Variants in ABLIM1 observed in about 807,000 individuals in gnomAD.
ABLIM1 encodes actin binding LIM protein 1, also known as actin-binding LIM protein 1.
Under a neutral mutation model 107.0 loss-of-function variants are expected in ABLIM1, and 40 were observed. The ratio of observed to expected loss-of-function variants is 0.37; its 90% CI spans 0.29 to 0.49. The LOEUF is 0.49. Among genes scored for constraint, ABLIM1 ranks in the 20% least tolerant of loss-of-function variants. ABLIM1 has a pLI of 0.97. For synonymous variants in ABLIM1, 357 were observed against 357.3 expected, an observed-to-expected ratio of 1.00 and a Z score of 0.01; for missense variants, 857 against 1,008.5, an observed-to-expected ratio of 0.85 and a Z score of 2.04.
At chr10:114,615,950 G>A (rs1320734878) in intron 1 of ABLIM1, among the ~76,000 whole-genome samples, 1 of 152,158 alleles carries the variant, frequency 6.6e-6, no homozygotes, top group Non-Finnish European at 1.5e-5. Flanking sequence ...GAGTTTGGGT[G>A]GCCCCAGAGC....
chr10:114,454,087 G>A (rs1437858163), intron 12 of ABLIM1, among the ~76,000 whole-genome samples: 1 of 152,106 alleles, frequency 6.6e-6, no homozygotes, highest in Non-Finnish European at 1.5e-5. Context: ...TGTCAGCCAG[G>A]TATTTCACGA....
upstream of ABLIM1, among the ~76,000 whole-genome samples, chr10:114,662,961 C>G (rs1333366203): frequency 1.3e-5 from 2 of 152,206 alleles, no homozygotes; most frequent in Admixed American, 1.3e-4. Flanking sequence ...CAGGCACCCC[C>G]TGAGCTCAAA....
chr10:114,437,226 T>C (rs1285464604), intron 22 of ABLIM1, among the ~76,000 whole-genome samples: 1 of 152,084 alleles, frequency 6.6e-6, no homozygotes. Flanking sequence ...CATTCTGAAT[T>C]ACCAGCCATA....
chr10:114,583,772 G>A (rs1319713059), intron 2 of ABLIM1, among the ~76,000 whole-genome samples: 1 of 151,930 alleles, frequency 6.6e-6, no homozygotes, highest in Non-Finnish European at 1.5e-5. Flanking sequence ...TATACACGGT[G>A]AATACTATGC....
intron 12 of ABLIM1, among the ~76,000 whole-genome samples, chr10:114,465,237 G>T (rs751069573): frequency 2.6e-5 from 4 of 152,148 alleles, no homozygotes; most frequent in Non-Finnish European, 4.4e-5. Context: ...ACAGCCCTGA[G>T]TCCTCTTTCT....
intron 6 of ABLIM1, among the ~76,000 whole-genome samples, chr10:114,507,616 G>A (rs756319612): frequency 1.3e-5 from 2 of 152,180 alleles, no homozygotes; most frequent in African/African-American, 2.4e-5. Context: ...CTGTGCAAAC[G>A]GGCACCCTGC....
rs765509531 is a variant in ABLIM1 at position 114,473,957 on chromosome 10, C to T, written c.1042-1G>A. On this transcript the variant is annotated splice_acceptor_variant, in intron 8 of 22. Coordinates refer to ENST00000533213, the MANE Select transcript of ABLIM1 (RefSeq NM_002313.7). LOFTEE classifies it high-confidence loss of function. The stretch of plus-strand genomic sequence containing the variant: ...TACTTTCCGAGGATGTCCTGGTAGG[C>T]TGTAAAATAAACAGTGACTTGTAAG... The T allele has an allele frequency of 1.9e-6, 3 of 1,612,978 alleles. No individual in the cohort carries two copies. In the South Asian group the frequency reaches 3.3e-5, roughly 18 times the overall value.
intron 1 of ABLIM1, among the ~76,000 whole-genome samples, chr10:114,754,894 C>T (rs2082595511): frequency 6.6e-6 from 1 of 152,182 alleles, no homozygotes; most frequent in South Asian, 2.1e-4. Flanking sequence ...GCAGAGCACA[C>T]TCACTGCATC....
intron 6 of ABLIM1, among the ~76,000 whole-genome samples, chr10:114,520,446 T>C (rs2063556039): frequency 6.6e-6 from 1 of 151,984 alleles, no homozygotes; most frequent in Non-Finnish European, 1.5e-5. Flanking sequence ...GTTGTCATGG[T>C]GGTTTCCTTG....
At chr10:114,639,403 G>C (rs2078631941) in intron 1 of ABLIM1, among the ~76,000 whole-genome samples, 1 of 152,170 alleles carries the variant, frequency 6.6e-6, no homozygotes, top group African/African-American at 2.4e-5. Flanking sequence ...ACTTAGAAAT[G>C]GGTCAAAACC....
At chr10:114,713,117 T>C (rs1458813456) in intron 1 of ABLIM1, among the ~76,000 whole-genome samples, 1 of 152,224 alleles carries the variant, frequency 6.6e-6, no homozygotes, top group Non-Finnish European at 1.5e-5. Flanking sequence ...CAGAATATGT[T>C]GATACGTGGT....
chr10:114,668,921 C>A (rs1193487789), intron 1 of ABLIM1, among the ~76,000 whole-genome samples: 1 of 152,186 alleles, frequency 6.6e-6, no homozygotes. Context: ...GAGGTGAGAG[C>A]TGAGCCACAG....
intron 1 of ABLIM1, among the ~76,000 whole-genome samples, chr10:114,615,164 C>T (rs2077052647): frequency 6.6e-6 from 1 of 152,160 alleles, no homozygotes; most frequent in African/African-American, 2.4e-5. Flanking sequence ...CCAGAATGAT[C>T]TTTTAAGTGC....
At position 114,485,452 on chromosome 10, in the gene ABLIM1, A is replaced by G; in HGVS notation, c.1041+2506T>C. On this transcript the variant is annotated intron_variant, in intron 8 of 22. Coordinates refer to ENST00000533213, the MANE Select transcript of ABLIM1 (RefSeq NM_002313.7). ...TCAAATCAGAAGAATTATTTTAAAA[A>G]ATAAAACAAAACAACAACCACCTTA... 5 of 1,368,496 alleles carry G rather than the reference A, an allele frequency of 3.7e-6. No individual in the cohort carries two copies. The South Asian group carries it at 6.9e-5, about 19-fold the overall frequency. The allele number at this position is 1,368,496 out of a possible 1,614,324, so 84.8% of individuals were successfully genotyped here.
intron 16 of ABLIM1, 33 bp downstream of exon 16, chr10:114,445,279 T>G: frequency 6.3e-7 from 1 of 1,575,642 alleles, no homozygotes; most frequent in Non-Finnish European, 8.7e-7. Flanking sequence ...TAACTAGCAT[T>G]GAAGACAGCA....
rs1250768913 is a variant in ABLIM1, at chr10:114,619,647, C to T, written c.245-17686G>A. Among the ~76,000 whole-genome samples, 1 of 152,184 alleles carries T rather than the reference C, an allele frequency of 6.6e-6. No homozygotes were observed. The highest frequency in any genetic ancestry group is 1.5e-5 in the Non-Finnish European group (1 of 68,036). On this transcript the variant is annotated intron_variant, in intron 1 of 22. Transcript: ENST00000533213. The surrounding 1 kb of genome is among the most constrained non-coding windows in gnomAD (Gnocchi z 4.1). ...CCTGGTCCTGATCTTGCTCCTCCCT[C>T]CCTGGCTGTGATACAAAAGCAAGGA...
At chr10:114,475,394 A>G (rs561199195) in intron 8 of ABLIM1, among the ~76,000 whole-genome samples, 6 of 152,080 alleles carry the variant, frequency 3.9e-5, no homozygotes, top group Admixed American at 2.6e-4. Context: ...TTTTTCCTTC[A>G]TGAGTAAAAT....
intron 1 of ABLIM1, among the ~76,000 whole-genome samples, chr10:114,652,169 T>C (rs17092218): frequency 0.082 from 12,434 of 152,190 alleles, 988 homozygotes; most frequent in East Asian, 0.45. Flanking sequence ...CTCTCAATGT[T>C]ACCAGGAAGA....
intron 1 of ABLIM1, among the ~76,000 whole-genome samples, chr10:114,714,792 T>C (rs1235770721): frequency 1.3e-5 from 2 of 152,234 alleles, no homozygotes; most frequent in Admixed American, 6.5e-5. Flanking sequence ...AAGACAATTA[T>C]GCAGTTGCTG....
Sources: gnomAD v4.1 joint callset for allele counts (sites outside exome capture counted in the v4.1 genomes callset) on GRCh38, gnomAD v4.1.1 for gene constraint, Gnocchi (gnomAD v3.1) non-coding constraint, MANE v1.5 for transcripts, NCBI Gene and HGNC (gene_info 2026-07-23, HGNC 2026-07-21) for gene names.